Variants in SDK1 observed in about 807,000 individuals in gnomAD.
The protein encoded by SDK1 is sidekick cell adhesion molecule 1.
SDK1 carries 157 observed loss-of-function variants against 245.5 expected under a neutral mutation model. The ratio of observed to expected loss-of-function variants is 0.64; its 90% confidence interval spans 0.56 to 0.73. The LOEUF (loss-of-function observed/expected upper bound fraction) is 0.73, where lower values mean the gene tolerates loss of function less well. Ranked by LOEUF, SDK1 falls within the 30% of genes least tolerant of loss-of-function variation. The probability of loss-of-function intolerance (pLI) is 0.00; values close to 1 mark genes in which losing one functional copy is unlikely to be tolerated. For missense variants in SDK1, 3,583 were observed against 3,002.3 expected, an observed-to-expected ratio of 1.19 and a Z score of -4.52; for synonymous variants, 1,647 against 1,278.5, an observed-to-expected ratio of 1.29 and a Z score of -6.15.
At chr7:3,514,527 T>C (rs1782677932) in intron 1 of SDK1, among the ~76,000 whole-genome samples, 1 of 152,180 alleles carries the variant, frequency 6.6e-6, no homozygotes, top group African/African-American at 2.4e-5. Flanking sequence ...GACTTGGGCG[T>C]CTTTGTCAGT....
chr7:4,017,342 C>A lies in SDK1; in HGVS notation c.2592C>A (p.Thr864=), dbSNP rs1786495009. 1.9e-6 allele frequency: 3 copies of A among 1,607,922 alleles called. No individual in the cohort carries two copies. The highest frequency in any genetic ancestry group is 2.5e-6 in the Non-Finnish European group (3 of 1,177,142). Residue 864 remains threonine, a synonymous_variant, in exon 17 of 45, where the codon ACC becomes ACA. Coordinates refer to ENST00000404826, the MANE Select transcript of SDK1 (RefSeq NM_152744.4). ...TCAGCAGGGCAGTGACCGAGTACACCTTGCAGGGAGGTAAGCTTGTCTCCA... is the reference window on the plus strand; with the variant it reads ...TCAGCAGGGCAGTGACCGAGTACACATTGCAGGGAGGTAAGCTTGTCTCCA... ...GVFSRAVTEY[T]LQGVPTAPPQ...
At chr7:3,652,513 C>T (rs950130288) in intron 4 of SDK1, among the ~76,000 whole-genome samples, 1 of 152,182 alleles carries the variant, frequency 6.6e-6, no homozygotes, top group Non-Finnish European at 1.5e-5. Context: ...GTTTGGTAAA[C>T]GTGCTTGTGG....
intron 1 of SDK1, among the ~76,000 whole-genome samples, chr7:3,483,681 T>G (rs1422162968): frequency 6.6e-6 from 1 of 152,216 alleles, no homozygotes; most frequent in Non-Finnish European, 1.5e-5. Flanking sequence ...CTCTAAATTT[T>G]TGATATATAC....
intron 1 of SDK1, among the ~76,000 whole-genome samples, chr7:3,559,174 C>T (rs998310174): frequency 6.6e-6 from 1 of 152,106 alleles, no homozygotes; most frequent in East Asian, 1.9e-4. Flanking sequence ...TAATATGTTA[C>T]ATATATACTT....
At chr7:3,693,932 G>A (rs1378577805) in intron 4 of SDK1, among the ~76,000 whole-genome samples, 5 of 152,152 alleles carry the variant, frequency 3.3e-5, no homozygotes, top group East Asian at 1.9e-4. Flanking sequence ...CTGTGTCCAT[G>A]CTCTGACACT....
At chr7:4,256,435 GA>G (rs1787632688) in intron 44 of SDK1, among the ~76,000 whole-genome samples, 1 of 152,204 alleles carries the variant, frequency 6.6e-6, no homozygotes, top group African/African-American at 2.4e-5. Context: ...TCCAGTCCCA[GA>G]ACTGCAGAAA....
In SDK1 at chr7:3,329,398, T is replaced by C. The variant is rs200924157; in HGVS notation, c.298+27514T>C. On this transcript the variant is annotated intron_variant, in intron 1 of 44. Coordinates refer to ENST00000404826, the MANE Select transcript of SDK1 (RefSeq NM_152744.4). ...TACAATTCACCTACCATATAATTCA[T>C]CTATTGAAAGTGTACAATTCAATAG... Among the ~76,000 whole-genome samples the C allele has an allele frequency of 2.6e-5, 4 of 152,206 alleles. No individual in the cohort carries two copies. In the East Asian group the frequency reaches 7.7e-4, roughly 29 times the overall value.
At chr7:3,708,883 A>T (rs58714028) in intron 4 of SDK1, among the ~76,000 whole-genome samples, 2,468 of 152,370 alleles carry the variant, frequency 0.016, 67 homozygotes, top group African/African-American at 0.057. Flanking sequence ...TGGAGCATTT[A>T]GGCCATTTAC....
At chr7:3,368,408 T>C (rs560542144) in intron 1 of SDK1, among the ~76,000 whole-genome samples, 1 of 152,352 alleles carries the variant, frequency 6.6e-6, no homozygotes, top group Non-Finnish European at 1.5e-5. Context: ...TTTTCTCCAA[T>C]GGATTTCAAA....
chr7:4,176,943 A>G (rs2128218541), intron 34 of SDK1, among the ~76,000 whole-genome samples: 1 of 152,350 alleles, frequency 6.6e-6, no homozygotes, highest in South Asian at 2.1e-4. Context: ...AGGAGTTTCA[A>G]AATCCAACTC....
chr7:3,378,419 G>T (rs1019978470), intron 1 of SDK1, among the ~76,000 whole-genome samples: 3 of 152,104 alleles, frequency 2.0e-5, no homozygotes, highest in Admixed American at 6.5e-5. Flanking sequence ...TTTTCTGTGG[G>T]TGTTATCACT....
At chr7:3,965,285 C>G (rs1782002585) in intron 9 of SDK1, among the ~76,000 whole-genome samples, 1 of 152,050 alleles carries the variant, frequency 6.6e-6, no homozygotes. Context: ...AAAAAGAACC[C>G]AGAGAACATC....
intron 17 of SDK1, among the ~76,000 whole-genome samples, chr7:4,031,338 A>G (rs937912094): frequency 6.6e-6 from 1 of 152,216 alleles, no homozygotes; most frequent in African/African-American, 2.4e-5. Flanking sequence ...TTGCCATATT[A>G]TTAGTCTGTA....
chr7:3,771,351 CAAGAG>C (rs1369618081), intron 4 of SDK1, among the ~76,000 whole-genome samples: 1 of 152,192 alleles, frequency 6.6e-6, no homozygotes, highest in Non-Finnish European at 1.5e-5. Flanking sequence ...AGCCCAGAGT[CAAGAG>C]GAGAGGAAAG....
At chr7:3,375,749 C>T (rs896362503) in intron 1 of SDK1, among the ~76,000 whole-genome samples, 2 of 152,160 alleles carry the variant, frequency 1.3e-5, no homozygotes, top group Admixed American at 1.3e-4. Context: ...GTGGATCCTC[C>T]AGCCCCAGGG....
chr7:3,740,163 T>G (rs28503504), intron 4 of SDK1, among the ~76,000 whole-genome samples: 18,633 of 152,152 alleles, frequency 0.12, 1,655 homozygotes, highest in African/African-American at 0.24. Flanking sequence ...ACTTGCTTGC[T>G]TAGAGCCAGA....
At chr7:3,992,483 C>T (rs539164195) in intron 14 of SDK1, among the ~76,000 whole-genome samples, 10 of 152,194 alleles carry the variant, frequency 6.6e-5, no homozygotes, top group East Asian at 1.9e-4. Flanking sequence ...GGCCAGGTGG[C>T]GGATGAGGGA....
chr7:3,917,223 A>G (rs1779415612), intron 5 of SDK1, among the ~76,000 whole-genome samples: 1 of 152,142 alleles, frequency 6.6e-6, no homozygotes, highest in Admixed American at 6.5e-5. Flanking sequence ...TACGTCTCTG[A>G]TTTCTATCCC....
chr7:3,856,760 T>A (rs972473359), intron 5 of SDK1, among the ~76,000 whole-genome samples: 2 of 152,084 alleles, frequency 1.3e-5, no homozygotes, highest in Non-Finnish European at 2.9e-5. Context: ...CACTGCACTC[T>A]AGCCTGGGCA....
Sources: allele counts gnomAD v4.1 joint callset (sites outside exome capture counted in the v4.1 genomes callset), GRCh38; gene constraint gnomAD v4.1.1; transcripts MANE v1.5; gene names NCBI Gene and HGNC (gene_info 2026-07-23, HGNC 2026-07-21).